The following SLCO3A1 variants were observed in gnomAD, a reference collection of about 807,000 sequenced individuals.
The protein encoded by SLCO3A1 is PGE1 transporter.
In SLCO3A1, 27 loss-of-function variants were observed where a neutral mutation model predicts 63.1. The ratio of observed to expected loss-of-function variants is 0.43; its 90% CI spans 0.32 to 0.59. The LOEUF (loss-of-function observed/expected upper bound fraction) is 0.59, where lower values mean the gene tolerates loss of function less well. SLCO3A1 is among the 20% of genes least tolerant of loss of function. The pLI, the probability that SLCO3A1 is intolerant of heterozygous loss-of-function variation, is 0.09. For missense variants in SLCO3A1, 773 were observed against 945.8 expected, an observed-to-expected ratio of 0.82 and a Z score of 2.40; for synonymous variants, 473 against 409.9, an observed-to-expected ratio of 1.15 and a Z score of -1.86.
chr15:92,159,350 T>A (rs1162397758), intron 9 of SLCO3A1, among the ~76,000 whole-genome samples: 1 of 152,014 alleles, frequency 6.6e-6, no homozygotes, highest in African/African-American at 2.4e-5. Context: ...CCGGGCGTGG[T>A]GGCAGGCACC....
At chr15:91,971,412 C>CAAAAAAAAAAAAAAAAAAAAAAA (rs1193750050) in intron 2 of SLCO3A1, among the ~76,000 whole-genome samples, 4 of 43,230 alleles carry the variant, frequency 9.3e-5, no homozygotes, top group African/African-American at 1.5e-4. Flanking sequence ...AAAAAAAAAG[C>CAAAAAAAAAAAAAAAAAAAAAAA]AACCTCTTCC....
At chr15:91,934,376 A>G (rs1899335350) in intron 2 of SLCO3A1, among the ~76,000 whole-genome samples, 1 of 152,228 alleles carries the variant, frequency 6.6e-6, no homozygotes, top group South Asian at 2.1e-4. Flanking sequence ...CATTCTTGGC[A>G]TACCCAGCAA....
At chr15:91,996,936 G>T (rs1297192299) in intron 2 of SLCO3A1, among the ~76,000 whole-genome samples, 1 of 152,096 alleles carries the variant, frequency 6.6e-6, no homozygotes, top group Non-Finnish European at 1.5e-5. Context: ...TAATCTAACT[G>T]GATTGCATTA....
intron 2 of SLCO3A1, among the ~76,000 whole-genome samples, chr15:92,061,867 C>A (rs1396018098): frequency 6.6e-6 from 1 of 152,202 alleles, no homozygotes; most frequent in Non-Finnish European, 1.5e-5. Context: ...CCTTTGGGAG[C>A]CACAAGGGTT....
intron 9 of SLCO3A1, among the ~76,000 whole-genome samples, chr15:92,154,785 G>A (rs1210723326): frequency 6.6e-6 from 1 of 152,124 alleles, no homozygotes; most frequent in Non-Finnish European, 1.5e-5. Flanking sequence ...AGTGTGGCAG[G>A]AGAGTGGAGC....
chr15:91,982,559 T>A (rs920640662), intron 2 of SLCO3A1, among the ~76,000 whole-genome samples: 1 of 152,220 alleles, frequency 6.6e-6, no homozygotes, highest in Non-Finnish European at 1.5e-5. Flanking sequence ...CAAGTCAAGC[T>A]TTTCTGGGCA....
intron 2 of SLCO3A1, among the ~76,000 whole-genome samples, chr15:92,015,367 G>A (rs918697778): frequency 1.3e-4 from 20 of 152,022 alleles, no homozygotes; most frequent in African/African-American, 3.1e-4. Context: ...GTCAGAAGGC[G>A]AAGAAGAAGC....
rs916388333 is a variant in SLCO3A1, at chr15:92,165,578, A to G, written c.*2443A>G. On this transcript the variant is annotated 3_prime_UTR_variant, in exon 10 of 10. Transcript: ENST00000318445. ...CCTAAGATTTTAGGATGAATGTGAA[A>G]AAGATGTTAGAATAACAGGAAGACA... is the stretch of plus-strand genomic sequence containing the variant. The G allele has an allele frequency of 1.6e-5, 16 of 984,894 alleles. No homozygotes were observed. Among genetic ancestry groups the G allele is most frequent in the Non-Finnish European group, 1.8e-5 (15 of 829,584 alleles). The allele number at this position is 984,894 out of a possible 1,614,324, so 61.0% of individuals were successfully genotyped here.
chr15:92,063,054 G>A (rs2047106156), intron 2 of SLCO3A1, among the ~76,000 whole-genome samples: 2 of 152,196 alleles, frequency 1.3e-5, no homozygotes. Context: ...CAACCAAAAT[G>A]GGCAGCTCAG....
chr15:92,077,612 A>T (rs1403250604), intron 2 of SLCO3A1, among the ~76,000 whole-genome samples: 3 of 152,140 alleles, frequency 2.0e-5, no homozygotes, highest in Non-Finnish European at 4.4e-5. Context: ...CGAGGTGAGG[A>T]TGGATAAACT....
At chr15:92,080,938 CTGTG>C (rs542459686) in intron 2 of SLCO3A1, among the ~76,000 whole-genome samples, 2,654 of 128,892 alleles carry the variant, frequency 0.021, 42 homozygotes, top group African/African-American at 0.044. Flanking sequence ...TACATAGTAG[CTGTG>C]TGTGTGTGTG....
chr15:91,985,353 A>G (rs2046038567), intron 2 of SLCO3A1, among the ~76,000 whole-genome samples: 2 of 152,142 alleles, frequency 1.3e-5, no homozygotes, highest in South Asian at 4.1e-4. Context: ...GCCCCGTTTC[A>G]TTATTCCTTC....
At chr15:92,137,418 A>G (rs1436490029) in intron 7 of SLCO3A1, among the ~76,000 whole-genome samples, 1 of 96,776 alleles carries the variant, frequency 1.0e-5, no homozygotes, top group African/African-American at 6.1e-5. Flanking sequence ...ATTGTGAATA[A>G]TGCTGCAATA....
At chr15:92,143,023 C>A (rs1325328262) in intron 7 of SLCO3A1, among the ~76,000 whole-genome samples, 1 of 151,904 alleles carries the variant, frequency 6.6e-6, no homozygotes, top group East Asian at 2.0e-4. Context: ...AACTCCAGTG[C>A]CCATATCACA....
In SLCO3A1 at chr15:91,875,543, C is replaced by G. The variant is rs80205503; in HGVS notation, c.180+21455C>G. ...ATTAAAGTACCTGCCACAGAGGGCT[C>G]TCCTGAGCGTGAAAGGAGTTACTGC... On this transcript the variant is annotated intron_variant, in intron 1 of 9. Transcript: ENST00000318445. The surrounding 1 kb of genome is among the most constrained non-coding windows in gnomAD (Gnocchi z 4.5). 0.047 allele frequency among the ~76,000 whole-genome samples: 7,129 copies of G among 152,286 alleles called. 522 individuals are homozygous for G. The highest frequency in any genetic ancestry group is 0.16 in the African/African-American group (6,657 of 41,534).
At chr15:92,051,599 T>C (rs1030420470) in intron 2 of SLCO3A1, among the ~76,000 whole-genome samples, 5 of 152,072 alleles carry the variant, frequency 3.3e-5, no homozygotes, top group Admixed American at 3.3e-4. Flanking sequence ...GACCAGGAGC[T>C]TCAGTTTGGA....
chr15:91,948,928 T>G lies in SLCO3A1; in HGVS notation c.646+32470T>G, dbSNP rs912737217. Among the ~76,000 whole-genome samples the G allele has an allele frequency of 2.4e-5, 3 of 126,578 alleles. No homozygotes were observed. The highest frequency in any genetic ancestry group is 6.3e-5 in the African/African-American group (2 of 31,660). The allele number at this position is 126,578 out of a possible 152,430, so 83.0% of individuals were successfully genotyped here. ...TCCATTTAGGAATCAATACTTTGGT[T>G]TTTTTTTTTTTACTATTATTTCTGC... On this transcript the variant is annotated intron_variant, in intron 2 of 9. Coordinates refer to ENST00000318445, the MANE Select transcript of SLCO3A1 (RefSeq NM_013272.4). This position sits in a 1 kb window ranked among gnomAD's most constrained non-coding sequence, Gnocchi z 4.8.
At chr15:92,022,156 C>T (rs890700119) in intron 2 of SLCO3A1, among the ~76,000 whole-genome samples, 7 of 152,166 alleles carry the variant, frequency 4.6e-5, no homozygotes, top group African/African-American at 1.7e-4. Flanking sequence ...AGGAAATTCC[C>T]GGCTTTAAAA....
rs993423952 is a variant in SLCO3A1 at position 92,014,403 on chromosome 15, C to G, written c.647-80478C>G. On this transcript the variant is annotated intron_variant, in intron 2 of 9. Transcript: ENST00000318445. Reference sequence around the variant, plus strand: ...GAGGGCTGCAGGAGTGAGAATGCCCCGTGATTAGGGTTTCCTTCTAGGCCC... The same window carrying G: ...GAGGGCTGCAGGAGTGAGAATGCCCGGTGATTAGGGTTTCCTTCTAGGCCC... Among the ~76,000 whole-genome samples the G allele has an allele frequency of 2.6e-5, 4 of 152,080 alleles. No individual in the cohort carries two copies. In the South Asian group the frequency reaches 8.3e-4, roughly 32 times the overall value.
Sources: gnomAD v4.1 joint callset for allele counts (sites outside exome capture counted in the v4.1 genomes callset) on GRCh38, gnomAD v4.1.1 for gene constraint, Gnocchi (gnomAD v3.1) non-coding constraint, MANE v1.5 for transcripts, NCBI Gene and HGNC (gene_info 2026-07-23, HGNC 2026-07-21) for gene names.